NTM: variants seen among roughly 807,000 people sequenced by gnomAD.
The protein encoded by NTM is neurotrimin.
In NTM, 13 loss-of-function variants were observed where a neutral mutation model predicts 42.1. The ratio of observed to expected loss-of-function variants is 0.31; its 90% CI spans 0.20 to 0.49. The LOEUF is 0.49. NTM is among the 20% of genes least tolerant of loss of function. NTM has a pLI of 0.99. For missense variants in NTM, 373 were observed against 452.8 expected (o/e 0.82, Z 1.60); for synonymous variants, 187 against 179.2 (o/e 1.04, Z -0.35).
intron 2 of NTM, among the ~76,000 whole-genome samples, chr11:132,072,021 A>T (rs1474535104): frequency 2.0e-5 from 3 of 152,128 alleles, no homozygotes; most frequent in African/African-American, 7.2e-5. Context: ...AAATTAGGAG[A>T]TGCTTGTTGT....
At chr11:132,314,831 A>AAAAAAGAGAGAGACACAGAAAG in intron 7 of NTM, 128 bp downstream of exon 7, 1 of 1,402,756 alleles carries the variant, frequency 7.1e-7, no homozygotes, top group Non-Finnish European at 9.2e-7. Flanking sequence ...GAGGGAGGAA[A>AAAAAAGAGAGAGACACAGAAAG]AAAAAGAGAG....
chr11:131,873,775 A>G lies in NTM; in HGVS notation c.83-37789A>G, dbSNP rs570965342. On this transcript the variant is annotated intron_variant, in intron 1 of 8. Transcript: ENST00000683400. ...ATATATCAGAATGGCGATCATTAAA[A>G]AGTCAGGAAACAACAGGTGCTATCT... is the stretch of plus-strand genomic sequence containing the variant. Among the ~76,000 whole-genome samples the G allele has an allele frequency of 5.6e-5, 8 of 143,664 alleles. No individual in the cohort carries two copies. The South Asian group carries it at 1.7e-3, about 31-fold the overall frequency. 94.2% of individuals were successfully genotyped at this position (143,664 alleles called of 152,430 possible).
intron 4 of NTM, among the ~76,000 whole-genome samples, chr11:132,224,283 A>G (rs1412752976): frequency 6.6e-6 from 1 of 151,548 alleles, no homozygotes; most frequent in Non-Finnish European, 1.5e-5. Flanking sequence ...TTCAGGGAGC[A>G]CTCTGCCTGA....
At position 131,951,145 on chromosome 11, in the gene NTM, G is replaced by A. The variant is rs553861693; in HGVS notation, c.167+39497G>A. On this transcript the variant is annotated intron_variant, in intron 2 of 8. Coordinates refer to ENST00000683400, the MANE Select transcript of NTM (RefSeq NM_001352005.2). ...GCCTTGATTTTGAGTTCTTAGTATG[G>A]TACCGTGAAAATCACTAGTGTTGAA... Among the ~76,000 whole-genome samples the A allele has an allele frequency of 1.6e-4, 24 of 152,294 alleles. 1 individual carries two copies. The highest frequency in any genetic ancestry group is 1.4e-3 in the Admixed American group (21 of 15,292).
chr11:132,070,520 A>C (rs1566080197), intron 2 of NTM, among the ~76,000 whole-genome samples: 2 of 123,476 alleles, frequency 1.6e-5, no homozygotes, highest in Non-Finnish European at 3.5e-5. Flanking sequence ...CACGTCACAC[A>C]GCCAAGTTAA....
At chr11:132,260,558 T>A (rs1207874886) in intron 4 of NTM, among the ~76,000 whole-genome samples, 6 of 152,172 alleles carry the variant, frequency 3.9e-5, no homozygotes, top group Admixed American at 2.0e-4. Context: ...CACAAAAAAA[T>A]TATTAATATG....
At chr11:132,120,062 G>A (rs547663026) in intron 2 of NTM, among the ~76,000 whole-genome samples, 8 of 152,206 alleles carry the variant, frequency 5.3e-5, no homozygotes, top group Admixed American at 2.0e-4. Context: ...CAGGACCCCC[G>A]TCTGAGCCCC....
At chr11:131,821,350 G>A (rs1404260153) in intron 1 of NTM, among the ~76,000 whole-genome samples, 1 of 152,168 alleles carries the variant, frequency 6.6e-6, no homozygotes, top group African/African-American at 2.4e-5. Flanking sequence ...TCCAGGCAGG[G>A]CAATTCCTGC....
At chr11:132,145,798 CAT>C (rs1339972441) in intron 2 of NTM, among the ~76,000 whole-genome samples, 1 of 152,196 alleles carries the variant, frequency 6.6e-6, no homozygotes, top group African/African-American at 2.4e-5. Flanking sequence ...TGATCTAACA[CAT>C]AATTATTGTG....
intron 1 of NTM, among the ~76,000 whole-genome samples, chr11:131,682,182 G>T (rs568983756): frequency 7.2e-5 from 11 of 152,270 alleles, no homozygotes; most frequent in African/African-American, 2.6e-4. Flanking sequence ...GGTCTCACCC[G>T]TTCCTGATCT....
chr11:132,307,451 C>T (rs2095128995), intron 4 of NTM, among the ~76,000 whole-genome samples: 1 of 152,162 alleles, frequency 6.6e-6, no homozygotes, highest in Admixed American at 6.5e-5. Flanking sequence ...AGGCACTGTG[C>T]TTTGTTCAGT....
chr11:131,640,307 C>T (rs903183547), intron 1 of NTM, among the ~76,000 whole-genome samples: 1 of 151,988 alleles, frequency 6.6e-6, no homozygotes, highest in African/African-American at 2.4e-5. Flanking sequence ...AGACTAAGAG[C>T]AAAAATGGGT....
chr11:131,559,950 G>A (rs1241685017), intron 1 of NTM, among the ~76,000 whole-genome samples: 3 of 152,182 alleles, frequency 2.0e-5, no homozygotes, highest in Non-Finnish European at 4.4e-5. Flanking sequence ...GAGAGATATT[G>A]GTGAAAGCTA....
At chr11:131,536,119 G>A (rs532763291) in intron 1 of NTM, 2 of 152,308 alleles carry the variant, frequency 1.3e-5, no homozygotes, top group South Asian at 2.1e-4. Flanking sequence ...TAGGCAAATG[G>A]GTACTTGCAC....
intron 4 of NTM, among the ~76,000 whole-genome samples, chr11:132,214,549 C>A (rs1218766768): frequency 6.6e-6 from 1 of 152,196 alleles, no homozygotes; most frequent in African/African-American, 2.4e-5. Flanking sequence ...CTTTCTCTTG[C>A]AGCGTCTGAA....
intron 2 of NTM, among the ~76,000 whole-genome samples, chr11:132,136,832 A>G (rs2068020252): frequency 6.6e-6 from 1 of 152,108 alleles, no homozygotes; most frequent in Non-Finnish European, 1.5e-5. Context: ...TTTGCTGGTT[A>G]AAGTGTGTCT....
intron 2 of NTM, among the ~76,000 whole-genome samples, chr11:132,094,498 C>G (rs1028832775): frequency 5.9e-5 from 9 of 152,096 alleles, no homozygotes; most frequent in African/African-American, 1.9e-4. Flanking sequence ...GACTCTCAAC[C>G]CTTAAAGATT....
chr11:131,668,489 C>T (rs1592452904), intron 1 of NTM, among the ~76,000 whole-genome samples: 1 of 152,100 alleles, frequency 6.6e-6, no homozygotes, highest in African/African-American at 2.4e-5. Flanking sequence ...GGACAGCACC[C>T]GCGTGGCCAC....
At chr11:131,731,053 C>T (rs1355624326) in intron 1 of NTM, among the ~76,000 whole-genome samples, 3 of 152,072 alleles carry the variant, frequency 2.0e-5, no homozygotes, top group Non-Finnish European at 4.4e-5. Flanking sequence ...TTAAGAATAT[C>T]GAATTGTTTT....
Sources: gnomAD v4.1 joint callset for allele counts (sites outside exome capture counted in the v4.1 genomes callset) on GRCh38, gnomAD v4.1.1 for gene constraint, MANE v1.5 for transcripts, NCBI Gene and HGNC (gene_info 2026-07-23, HGNC 2026-07-21) for gene names.